Variants in CHEK1 observed in about 807,000 individuals in gnomAD.
The protein encoded by CHEK1 is serine/threonine-protein kinase Chk1.
A neutral mutation model predicts 60.2 loss-of-function variants in CHEK1; 32 were observed. That is an observed-to-expected ratio of 0.53 (90% confidence interval 0.40 to 0.71). The LOEUF (loss-of-function observed/expected upper bound fraction) is 0.71. CHEK1 is among the 30% of genes least tolerant of loss of function. CHEK1 has a pLI of 0.00. For missense variants in CHEK1, 399 were observed against 564.6 expected (o/e 0.71, Z 2.97); for synonymous variants, 179 against 187.2 (o/e 0.96, Z 0.36).
At chr11:125,634,314 T>C (rs1299981582) in intron 6 of CHEK1, among the ~76,000 whole-genome samples, 3 of 151,596 alleles carry the variant, frequency 2.0e-5, no homozygotes, top group African/African-American at 7.3e-5. Flanking sequence ...ATTGTGTCTG[T>C]TTTTTGTTTT....
At chr11:125,630,446 G>T (rs1940822155) in intron 5 of CHEK1, among the ~76,000 whole-genome samples, 1 of 151,868 alleles carries the variant, frequency 6.6e-6, no homozygotes, top group Non-Finnish European at 1.5e-5. Context: ...GAGTAGCTGG[G>T]ATTACAAGCC....
intron 13 of CHEK1, among the ~76,000 whole-genome samples, chr11:125,667,835 G>A (rs920795753): frequency 2.6e-5 from 4 of 152,100 alleles, no homozygotes; most frequent in Non-Finnish European, 2.9e-5. Flanking sequence ...TGGCCAGGCT[G>A]GTCTCGATCT....
chr11:125,635,389 T>C (rs972483769), intron 6 of CHEK1, 40 bp from the exon 7 acceptor site: 10 of 1,192,268 alleles, frequency 8.4e-6, no homozygotes, highest in Non-Finnish European at 9.6e-6. Context: ...ATCTTTATAA[T>C]AAGAACATTT....
intron 11 of CHEK1, 67 bp downstream of exon 11, chr11:125,644,710 T>A (rs1799593995): frequency 6.5e-7 from 1 of 1,536,786 alleles, no homozygotes; most frequent in African/African-American, 1.4e-5. Context: ...GTAAAAGCTA[T>A]CATTAGTATA....
At chr11:125,652,153 G>A (rs1031288831) in intron 11 of CHEK1, among the ~76,000 whole-genome samples, 19 of 152,126 alleles carry the variant, frequency 1.2e-4, no homozygotes, top group African/African-American at 4.6e-4. Context: ...TGTGTTTTTT[G>A]GGCAAATCTG....
chr11:125,648,599 A>G (rs577663), intron 11 of CHEK1, among the ~76,000 whole-genome samples: 1 of 150,136 alleles, frequency 6.7e-6, no homozygotes, highest in Non-Finnish European at 1.5e-5. Context: ...AAAAAATTAC[A>G]TTGTTTATCA....
At chr11:125,664,668 T>C (rs2136081474) in intron 13 of CHEK1, among the ~76,000 whole-genome samples, 1 of 152,344 alleles carries the variant, frequency 6.6e-6, no homozygotes, top group African/African-American at 2.4e-5. Flanking sequence ...ATATGAATTC[T>C]GGTTATTAAT....
At chr11:125,673,953 G>C (rs927580262) in intron 13 of CHEK1, among the ~76,000 whole-genome samples, 6 of 152,152 alleles carry the variant, frequency 3.9e-5, no homozygotes, top group Non-Finnish European at 8.8e-5. Flanking sequence ...GAGGCCAGGA[G>C]TTCAAGACCA....
At chr11:125,663,733 T>G (rs1942054924) in intron 13 of CHEK1, among the ~76,000 whole-genome samples, 1 of 152,190 alleles carries the variant, frequency 6.6e-6, no homozygotes, top group African/African-American at 2.4e-5. Context: ...TCATAAAATC[T>G]TTTCCAGGGC....
intron 6 of CHEK1, among the ~76,000 whole-genome samples, chr11:125,635,143 G>A (rs1591398020): frequency 6.6e-6 from 1 of 151,978 alleles, no homozygotes; most frequent in Admixed American, 6.6e-5. Context: ...ATTTTTTGTA[G>A]AGATGGGGTC....
rs1426452485 is a variant in CHEK1 at position 125,635,433 on chromosome 11, G to A, written c.618G>A (p.Leu206=). Residue 206 remains leucine (L), a synonymous_variant, in exon 7 of 13, where the codon TTG becomes TTA. Coordinates refer to ENST00000438015, the MANE Select transcript of CHEK1 (RefSeq NM_001114122.3). ...IVLTAMLAGE[L]PWDQPSDSCQ... ...TGGGACTTGCTTTGTTTTTAGAATT[G>A]CCATGGGACCAACCCAGTGACAGCT... The A allele has an allele frequency of 1.3e-6, 2 of 1,567,606 alleles. No homozygotes were observed. The highest frequency in any genetic ancestry group is 1.4e-5 in the African/African-American group (1 of 72,020).
intron 11 of CHEK1, among the ~76,000 whole-genome samples, chr11:125,650,774 A>G (rs933918946): frequency 6.6e-6 from 1 of 152,136 alleles, no homozygotes; most frequent in Non-Finnish European, 1.5e-5. Context: ...ATTGTTTGTC[A>G]TGCATGGCTG....
chr11:125,636,720 C>CTT (rs111879270), intron 7 of CHEK1, among the ~76,000 whole-genome samples: 1 of 148,302 alleles, frequency 6.7e-6, no homozygotes, highest in African/African-American at 2.5e-5. Flanking sequence ...CACTTTGAAG[C>CTT]TTTTTTTTTT....
intron 13 of CHEK1, among the ~76,000 whole-genome samples, chr11:125,663,818 C>G (rs918229265): frequency 6.6e-6 from 1 of 152,124 alleles, no homozygotes; most frequent in Non-Finnish European, 1.5e-5. Flanking sequence ...AGTCTTTAAT[C>G]CATCTTGACT....
chr11:125,657,709 A>G (rs895795181), downstream of CHEK1, among the ~76,000 whole-genome samples: 1 of 152,166 alleles, frequency 6.6e-6, no homozygotes, highest in Non-Finnish European at 1.5e-5. Context: ...GTATTTATGA[A>G]CATCCCACTA....
intron 5 of CHEK1, among the ~76,000 whole-genome samples, chr11:125,631,984 T>C (rs933153265): frequency 1.3e-5 from 2 of 151,664 alleles, no homozygotes; most frequent in African/African-American, 2.4e-5. Flanking sequence ...AAGAAATCAG[T>C]CCCCTATTTT....
intron 2 of CHEK1, among the ~76,000 whole-genome samples, chr11:125,627,122 G>A (rs1238887097): frequency 6.6e-6 from 1 of 152,144 alleles, no homozygotes. Context: ...GAGATTGCCT[G>A]CCTGGTTTCA....
At chr11:125,680,652 T>C (rs1212994336), downstream of CHEK1, 1 of 1,335,854 alleles carries the variant, frequency 7.5e-7, no homozygotes, top group African/African-American at 1.5e-5. Flanking sequence ...GAGAGACTGG[T>C]CTTCCTTCTT....
rs75134311 is a variant in CHEK1, at chr11:125,627,398, C to A, written c.66-209C>A. ...GTTTATTAAATGACTTGTGTGACAGCATAATGACGTCTTTGGAGGGTTAGC... is the reference window on the plus strand; with the variant it reads ...GTTTATTAAATGACTTGTGTGACAGAATAATGACGTCTTTGGAGGGTTAGC... On this transcript the variant is annotated intron_variant, in intron 2 of 12. Transcript: ENST00000438015. Among the ~76,000 whole-genome samples, 14 of 152,268 alleles carry A rather than the reference C, an allele frequency of 9.2e-5. No individual in the cohort carries two copies. In the East Asian group the frequency reaches 2.7e-3, roughly 29 times the overall value.
Sources: allele counts gnomAD v4.1 joint callset (sites outside exome capture counted in the v4.1 genomes callset), GRCh38; gene constraint gnomAD v4.1.1; transcripts MANE v1.5; gene names NCBI Gene and HGNC (gene_info 2026-07-23, HGNC 2026-07-21).